TEX11: variants seen among roughly 807,000 people sequenced by gnomAD.
The protein encoded by TEX11 is testis-expressed protein 11.
A neutral mutation model predicts 84.4 loss-of-function variants in TEX11; 7 were observed. The ratio of observed to expected loss-of-function variants is 0.08; its 90% confidence interval spans 0.05 to 0.16. TEX11 has a LOEUF of 0.16. Ranked by LOEUF, TEX11 falls within the 10% of genes least tolerant of loss-of-function variation. TEX11 has a pLI of 1.00. For synonymous variants in TEX11, 264 were observed against 222.8 expected (o/e 1.18, Z -1.64); for missense variants, 551 against 660.5 (o/e 0.83, Z 1.82).
At chrX:70,831,801 T>A (rs1254528277) in intron 8 of TEX11, among the ~76,000 whole-genome samples, 4 of 111,174 alleles carry the variant, frequency 3.6e-5, no homozygotes, top group Non-Finnish European at 3.8e-5. Flanking sequence ...CCTGTGTGAG[T>A]TGATGAATAT....
At chrX:70,638,929 A>G (rs1484674083) in intron 17 of TEX11, among the ~76,000 whole-genome samples, 2 of 110,788 alleles carry the variant, frequency 1.8e-5, no homozygotes, top group Non-Finnish European at 3.8e-5. Context: ...CCGAATAGGA[A>G]CAGCTCCAGT....
At chrX:70,685,075 G>A (rs1448391881) in intron 13 of TEX11, among the ~76,000 whole-genome samples, 1 of 112,117 alleles carries the variant, frequency 8.9e-6, no homozygotes, top group Non-Finnish European at 1.9e-5. Context: ...AGTCTCTTTT[G>A]TGCTTGGGCT....
At chrX:70,687,474 TA>T (rs142415286) in intron 13 of TEX11, among the ~76,000 whole-genome samples, 11,878 of 101,754 alleles carry the variant, frequency 0.12, 577 homozygotes, top group Middle Eastern at 0.19. Context: ...CTTTTTAATC[TA>T]AAAAAAAAAA....
At chrX:70,671,910 T>TATATACACAC (rs57166359) in intron 15 of TEX11, among the ~76,000 whole-genome samples, 5 of 67,977 alleles carry the variant, frequency 7.4e-5, no homozygotes, top group Admixed American at 2.1e-4. Context: ...TATATATATA[T>TATATACACAC]ACACACACAC....
chrX:70,633,779 G>A (rs377213555), intron 17 of TEX11, among the ~76,000 whole-genome samples: 4 of 110,892 alleles, frequency 3.6e-5, no homozygotes, highest in South Asian at 3.9e-4. Flanking sequence ...TTAGCCAGGC[G>A]TGGTGGTGCA....
intron 25 of TEX11, among the ~76,000 whole-genome samples, chrX:70,587,598 A>C (rs778495433): frequency 5.0e-4 from 56 of 112,291 alleles, no homozygotes; most frequent in African/African-American, 1.8e-3. Context: ...GTCCGTGGAG[A>C]AGTTTGCTGC....
chrX:70,890,985 C>A (rs983554225), intron 2 of TEX11, among the ~76,000 whole-genome samples: 2 of 111,740 alleles, frequency 1.8e-5, no homozygotes, highest in East Asian at 5.7e-4. Flanking sequence ...CAGGCGGGTG[C>A]CCCTCTGGGA....
chrX:70,603,619 T>C (rs1415888108), intron 24 of TEX11, among the ~76,000 whole-genome samples: 1 of 111,509 alleles, frequency 9.0e-6, no homozygotes, highest in Non-Finnish European at 1.9e-5. Flanking sequence ...ACCTAGGCAT[T>C]ACCATTCAGG....
intron 13 of TEX11, among the ~76,000 whole-genome samples, chrX:70,697,616 C>T (rs1038191236): frequency 5.4e-5 from 6 of 111,819 alleles, no homozygotes; most frequent in African/African-American, 1.6e-4. Context: ...GGAATACTAA[C>T]CTTATGTAAA....
intron 13 of TEX11, among the ~76,000 whole-genome samples, chrX:70,720,773 AAT>A (rs58118818): frequency 2.5e-3 from 237 of 96,215 alleles, no homozygotes; most frequent in African/African-American, 6.1e-3. Flanking sequence ...ACATATATAT[AAT>A]ATATATATAT....
rs183396465 is a variant in TEX11 at position 70,727,805 on chromosome X, T to C, written c.844-2462A>G. Among the ~76,000 whole-genome samples the C allele has an allele frequency of 2.6e-3, 285 of 110,445 alleles. 3 individuals are homozygous for C. Among genetic ancestry groups the C allele is most frequent in the African/African-American group, 8.7e-3 (264 of 30,358 alleles). ...GCCAAATGAAGATATAGAAAGAAGG[T>C]GGCCATCTTCAAACCAAGACAAAGG... is the stretch of plus-strand genomic sequence containing the variant. On this transcript the variant is annotated intron_variant, in intron 11 of 29. Coordinates refer to ENST00000374333, the MANE Select transcript of TEX11 (RefSeq NM_031276.3).
chrX:70,861,179 A>C (rs2091567212), intron 4 of TEX11, among the ~76,000 whole-genome samples: 2 of 97,374 alleles, frequency 2.1e-5, no homozygotes, highest in African/African-American at 7.7e-5. Flanking sequence ...CTCCTGCCTC[A>C]GCCTCCCAAG....
At chrX:70,580,315 G>A (rs892727485) in intron 25 of TEX11, among the ~76,000 whole-genome samples, 1 of 112,412 alleles carries the variant, frequency 8.9e-6, no homozygotes, top group African/African-American at 3.2e-5. Context: ...GGGAAAGATA[G>A]TAGGGGAGAA....
In TEX11 at chrX:70,554,603, C is replaced by T. The variant is rs765400611; in HGVS notation, c.2290+48G>A. ...AGTAAAGAGAAGAAAAAAAGTCATA[C>T]GATCTAAATGGGCACCAGCCTTACA... On this transcript the variant is annotated intron_variant, in intron 26 of 29. Coordinates refer to ENST00000374333, the MANE Select transcript of TEX11 (RefSeq NM_031276.3). The T allele has an allele frequency of 9.2e-6, 10 of 1,089,142 alleles. No homozygotes were observed. The African/African-American group carries it at 1.7e-4, about 19-fold the overall frequency. 89.8% of individuals were successfully genotyped at this position (1,089,142 alleles called of 1,213,427 possible).
intron 2 of TEX11, among the ~76,000 whole-genome samples, chrX:70,881,005 CAA>C (rs11284342): frequency 0.029 from 1,358 of 46,132 alleles, 28 homozygotes; most frequent in African/African-American, 0.12. Context: ...AGACATCATC[CAA>C]AAAAAAAAAA....
chrX:70,745,122 C>A (rs73542992), intron 9 of TEX11, among the ~76,000 whole-genome samples: 1 of 110,166 alleles, frequency 9.1e-6, no homozygotes, highest in Non-Finnish European at 1.9e-5. Context: ...CTCCATTTTG[C>A]GGCTGACTAA....
intron 2 of TEX11, among the ~76,000 whole-genome samples, chrX:70,887,098 T>C (rs2091713237): frequency 8.9e-6 from 1 of 111,913 alleles, no homozygotes; most frequent in Non-Finnish European, 1.9e-5. Context: ...GGCTCTTTAG[T>C]TAGCAGGTGA....
chrX:70,589,763 C>T (rs1265300190), intron 25 of TEX11, among the ~76,000 whole-genome samples: 1 of 111,590 alleles, frequency 9.0e-6, no homozygotes, highest in Non-Finnish European at 1.9e-5. Flanking sequence ...CTCATGTGAT[C>T]CACCCACCTC....
At chrX:70,566,766 G>C (rs1311453971) in intron 25 of TEX11, among the ~76,000 whole-genome samples, 1 of 111,597 alleles carries the variant, frequency 9.0e-6, no homozygotes, top group East Asian at 2.8e-4. Context: ...ACTTGATCAT[G>C]GTGGATAAGC....
Sources: gnomAD v4.1 joint callset for allele counts (sites outside exome capture counted in the v4.1 genomes callset) on GRCh38, gnomAD v4.1.1 for gene constraint, MANE v1.5 for transcripts, NCBI Gene and HGNC (gene_info 2026-07-23, HGNC 2026-07-21) for gene names.